The following CELF4 variants were observed in gnomAD, a reference collection of about 807,000 sequenced individuals.
CELF4 encodes the protein CUGBP Elav-like family member 4.
In CELF4, 18 loss-of-function variants were observed where a neutral mutation model predicts 59.9. The observed-to-expected ratio is 0.30, with a 90% CI of 0.21 to 0.45. CELF4 has a LOEUF of 0.45. Among genes scored for constraint, CELF4 ranks in the 20% least tolerant of loss-of-function variants. The probability of loss-of-function intolerance (pLI) is 1.00; values close to 1 mark genes in which losing one functional copy is unlikely to be tolerated. For synonymous variants in CELF4, 261 were observed against 267.1 expected (o/e 0.98, Z 0.22); for missense variants, 456 against 689.0 (o/e 0.66, Z 3.79).
intron 1 of CELF4, among the ~76,000 whole-genome samples, chr18:37,515,549 G>C (rs535943860): frequency 3.9e-5 from 6 of 152,200 alleles, no homozygotes; most frequent in African/African-American, 1.4e-4. Flanking sequence ...CTTAACTAGC[G>C]GAGGTTGCAT....
At chr18:37,381,179 A>G (rs761271078) in intron 2 of CELF4, among the ~76,000 whole-genome samples, 1 of 152,168 alleles carries the variant, frequency 6.6e-6, no homozygotes, top group Non-Finnish European at 1.5e-5. Flanking sequence ...CCACTCAACA[A>G]TAAGTATCAA....
intron 3 of CELF4, among the ~76,000 whole-genome samples, chr18:37,316,303 G>A (rs1056816099): frequency 3.9e-5 from 6 of 152,150 alleles, no homozygotes; most frequent in Non-Finnish European, 5.9e-5. Context: ...TTAATGAATT[G>A]GTTTGCTTAT....
intron 2 of CELF4, among the ~76,000 whole-genome samples, chr18:37,353,233 A>AAAATATATATATATAT (rs71168258): frequency 0.03 from 3,199 of 105,968 alleles, 87 homozygotes; most frequent in Non-Finnish European, 0.046. Flanking sequence ...AAAAAAAAAA[A>AAAATATATATATATAT]ATATATATAT....
chr18:37,274,514 G>T, intron 5 of CELF4, 60 bp from the exon 6 acceptor site: 1 of 1,607,448 alleles, frequency 6.2e-7, no homozygotes, highest in Non-Finnish European at 8.5e-7. Flanking sequence ...GCAGCTGTCG[G>T]TGCCTCTGGC....
At chr18:37,369,976 C>T (rs1470466339) in intron 2 of CELF4, among the ~76,000 whole-genome samples, 1 of 152,230 alleles carries the variant, frequency 6.6e-6, no homozygotes, top group African/African-American at 2.4e-5. Context: ...CCCTCTTCAC[C>T]TCTGCTGAGC....
chr18:37,291,843 G>A (rs570271003), intron 3 of CELF4, among the ~76,000 whole-genome samples: 1 of 152,170 alleles, frequency 6.6e-6, no homozygotes, highest in Non-Finnish European at 1.5e-5. Flanking sequence ...TCTAACCCTC[G>A]TGGAACTGAC....
intron 2 of CELF4, among the ~76,000 whole-genome samples, chr18:37,484,848 A>T (rs1001826292): frequency 2.0e-5 from 3 of 152,150 alleles, no homozygotes; most frequent in Admixed American, 6.5e-5. Flanking sequence ...ACAAACACAC[A>T]TCTTTCCATT....
intron 10 of CELF4, among the ~76,000 whole-genome samples, chr18:37,261,514 C>T (rs1343627539): frequency 9.2e-5 from 14 of 152,218 alleles, no homozygotes. Flanking sequence ...AGCTCTAGTC[C>T]CTTCCCCTGG....
Position 37,244,945 on chromosome 18 carries a change from TTG to T in CELF4, c.*295_*296del, listed in dbSNP as rs1568650129. The T allele has an allele frequency of 1.3e-5, 2 of 152,616 alleles. No homozygotes were observed. The allele number at this position is 152,616 out of a possible 1,614,324, so 9.5% of individuals were successfully genotyped here. On this transcript the variant is annotated 3_prime_UTR_variant, in exon 13 of 13. Coordinates refer to ENST00000420428, the MANE Select transcript of CELF4 (RefSeq NM_020180.4). ...TGATATTTTGTTTTAAAGTTGCCTTTTGTGTGTTTTTTTCTCATTTTTCTTCA... is the reference window on the plus strand; with the variant it reads ...TGATATTTTGTTTTAAAGTTGCCTTTTGTGTTTTTTTCTCATTTTTCTTCA...
intron 2 of CELF4, among the ~76,000 whole-genome samples, chr18:37,437,235 C>T (rs1296884852): frequency 6.6e-6 from 1 of 152,192 alleles, no homozygotes; most frequent in Non-Finnish European, 1.5e-5. Context: ...AATGAGAAGG[C>T]AGGAGAAGCA....
intron 2 of CELF4, among the ~76,000 whole-genome samples, chr18:37,387,132 G>T (rs2099107959): frequency 6.6e-6 from 1 of 152,248 alleles, no homozygotes; most frequent in African/African-American, 2.4e-5. Flanking sequence ...GATTCTAGCA[G>T]TAAGAAGAGA....
intron 2 of CELF4, among the ~76,000 whole-genome samples, chr18:37,344,527 C>G (rs1421824922): frequency 6.6e-6 from 1 of 152,210 alleles, no homozygotes; most frequent in Non-Finnish European, 1.5e-5. Context: ...TTGGCTATAG[C>G]AAGAGAAACT....
chr18:37,525,049 G>A (rs1485426673), intron 1 of CELF4, among the ~76,000 whole-genome samples: 1 of 152,052 alleles, frequency 6.6e-6, no homozygotes, highest in South Asian at 2.1e-4. Flanking sequence ...CTTTCCTAGG[G>A]GCCTCTTGCT....
At chr18:37,369,459 G>T (rs1452016334) in intron 2 of CELF4, among the ~76,000 whole-genome samples, 1 of 152,168 alleles carries the variant, frequency 6.6e-6, no homozygotes, top group South Asian at 2.1e-4. Context: ...GGGATGTAAG[G>T]ATTGCTCCTG....
intron 1 of CELF4, among the ~76,000 whole-genome samples, chr18:37,511,879 C>A (rs2099944752): frequency 6.6e-6 from 1 of 152,038 alleles, no homozygotes; most frequent in African/African-American, 2.4e-5. Flanking sequence ...GGGCATCTGT[C>A]ATTTCTGAAA....
At chr18:37,354,732 G>A (rs1220670704) in intron 2 of CELF4, among the ~76,000 whole-genome samples, 1 of 152,170 alleles carries the variant, frequency 6.6e-6, no homozygotes. Flanking sequence ...GACTTCAGGA[G>A]GAAAAGGGCC....
At chr18:37,497,090 C>G (rs1187643040) in intron 1 of CELF4, among the ~76,000 whole-genome samples, 1 of 152,082 alleles carries the variant, frequency 6.6e-6, no homozygotes, top group Non-Finnish European at 1.5e-5. Flanking sequence ...AAATGGGGAG[C>G]CTGGCCTATG....
At chr18:37,472,474 A>G (rs1885047172) in intron 2 of CELF4, among the ~76,000 whole-genome samples, 1 of 152,262 alleles carries the variant, frequency 6.6e-6, no homozygotes. Flanking sequence ...CACTGAAGCA[A>G]GAGTGGCAGC....
intron 3 of CELF4, chr18:37,275,520 G>C (rs2093017330): frequency 2.2e-6 from 1 of 457,170 alleles, no homozygotes; most frequent in African/African-American, 2.0e-5. Context: ...GCAGCGACTC[G>C]GCCTCCTCCC....
Sources: allele counts gnomAD v4.1 joint callset (sites outside exome capture counted in the v4.1 genomes callset), GRCh38; gene constraint gnomAD v4.1.1; transcripts MANE v1.5; gene names NCBI Gene and HGNC (gene_info 2026-07-23, HGNC 2026-07-21).